Variants in WASF2 observed in about 807,000 individuals in gnomAD.
WASF2 encodes the protein WASP family member 2.
A neutral mutation model predicts 45.0 loss-of-function variants in WASF2; 14 were observed. That is an observed-to-expected ratio of 0.31 (90% confidence interval 0.21 to 0.49). The LOEUF (loss-of-function observed/expected upper bound fraction) is 0.49. WASF2 is among the 20% of genes least tolerant of loss of function. WASF2 has a pLI of 0.99. For synonymous variants in WASF2, 200 were observed against 236.3 expected, an observed-to-expected ratio of 0.85 and a Z score of 1.41; for missense variants, 439 against 636.1, an observed-to-expected ratio of 0.69 and a Z score of 3.33.
chr1:27,446,522 A>G (rs1336546784), intron 1 of WASF2, among the ~76,000 whole-genome samples: 1 of 152,134 alleles, frequency 6.6e-6, no homozygotes, highest in Non-Finnish European at 1.5e-5. Context: ...AACGCCTATA[A>G]TCCCAACCAG....
chr1:27,487,662 A>G (rs1396638810), intron 1 of WASF2, among the ~76,000 whole-genome samples: 1 of 105,526 alleles, frequency 9.5e-6, no homozygotes, highest in African/African-American at 3.8e-5. Context: ...TATATAATAT[A>G]TATTATATAT....
intron 3 of WASF2, among the ~76,000 whole-genome samples, 174 bp from the exon 4 acceptor site, chr1:27,418,596 G>A (rs1180984500): frequency 6.6e-6 from 1 of 152,176 alleles, no homozygotes; most frequent in Non-Finnish European, 1.5e-5. Flanking sequence ...CAGCAGCCCA[G>A]TCGTTTCACG....
chr1:27,465,506 GT>G (rs1389999613), intron 1 of WASF2, among the ~76,000 whole-genome samples: 2 of 152,046 alleles, frequency 1.3e-5, no homozygotes, highest in African/African-American at 2.4e-5. Context: ...CTCTCACTAG[GT>G]TTTCCCCCAA....
At chr1:27,426,149 A>G (rs985452435) in intron 2 of WASF2, among the ~76,000 whole-genome samples, 2 of 152,242 alleles carry the variant, frequency 1.3e-5, no homozygotes, top group Middle Eastern at 3.2e-3. Flanking sequence ...ACAGTGAGGA[A>G]GAGGGGAGAG....
Position 27,416,066 on chromosome 1 carries a change from G to A in WASF2, c.456C>T (p.Asp152=), listed in dbSNP as rs1450617343. Residue 152 remains aspartate, a synonymous_variant, in exon 5 of 9, where the codon GAC becomes GAT. Transcript: ENST00000618852. ...TCCAAAGATCAAAGAAGTATGAAGG[G>A]TCTGTGTAGAATTTGAGTGCCTCTT... ...DGKEALKFYT[D]PSYFFDLWKE... is the part of the protein sequence containing the mutation. 1 of 1,614,108 alleles carries A rather than the reference G, an allele frequency of 6.2e-7. No homozygotes were observed. The highest frequency in any genetic ancestry group is 1.1e-5 in the South Asian group (1 of 91,084).
intron 1 of WASF2, among the ~76,000 whole-genome samples, chr1:27,489,394 GTCC>G (rs1393311613): frequency 3.9e-5 from 2 of 50,810 alleles, no homozygotes. Context: ...CACACACAGT[GTCC>G]TCCTCAATTT....
chr1:27,418,451 T>C (rs1450793758), intron 3 of WASF2, 29 bp from the exon 4 acceptor site: 1 of 1,614,086 alleles, frequency 6.2e-7, no homozygotes, highest in Non-Finnish European at 8.5e-7. Context: ...CGTTAGAAAA[T>C]GGACGACAGG....
At chr1:27,458,305 T>C (rs2017500280) in intron 1 of WASF2, among the ~76,000 whole-genome samples, 1 of 80,674 alleles carries the variant, frequency 1.2e-5, no homozygotes, top group African/African-American at 4.4e-5. Flanking sequence ...AGAGCGAGAT[T>C]CTTAAAAAAA....
chr1:27,420,513 G>GC (rs2016891402), intron 2 of WASF2, among the ~76,000 whole-genome samples: 2 of 94,988 alleles, frequency 2.1e-5, no homozygotes, highest in South Asian at 3.3e-4. Flanking sequence ...TACCATCTGA[G>GC]CTTTTTTTTT....
At chr1:27,480,647 T>C (rs1184735361) in intron 1 of WASF2, among the ~76,000 whole-genome samples, 2 of 152,100 alleles carry the variant, frequency 1.3e-5, no homozygotes, top group East Asian at 3.8e-4. Context: ...TGAGAGTAAA[T>C]GAACTGCTCT....
intron 1 of WASF2, among the ~76,000 whole-genome samples, chr1:27,467,309 T>C (rs1318628899): frequency 1.3e-5 from 2 of 148,636 alleles, no homozygotes; most frequent in Non-Finnish European, 3.0e-5. Flanking sequence ...TTTTCGTTTG[T>C]TTGTTTTCTG....
At chr1:27,416,915 G>A (rs1270486421) in intron 4 of WASF2, among the ~76,000 whole-genome samples, 1 of 152,184 alleles carries the variant, frequency 6.6e-6, no homozygotes, top group East Asian at 1.9e-4. Flanking sequence ...GCTTAGGAGT[G>A]AACATTTATC....
chr1:27,479,120 A>G (rs566608927), intron 1 of WASF2, among the ~76,000 whole-genome samples: 2 of 152,006 alleles, frequency 1.3e-5, no homozygotes, highest in East Asian at 3.9e-4. Context: ...CCCCGTCTCT[A>G]CTAAAAATAC....
intron 2 of WASF2, among the ~76,000 whole-genome samples, chr1:27,427,751 T>C (rs1354251316): frequency 6.6e-6 from 1 of 152,200 alleles, no homozygotes; most frequent in Admixed American, 6.5e-5. Flanking sequence ...TTTCTTGATA[T>C]TCCACTGCCT....
chr1:27,486,924 T>C (rs9438577), intron 1 of WASF2, among the ~76,000 whole-genome samples: 22,143 of 148,276 alleles, frequency 0.15, 2,168 homozygotes, highest in East Asian at 0.37. Flanking sequence ...ATATAATATA[T>C]AGATTATATT....
intron 1 of WASF2, among the ~76,000 whole-genome samples, chr1:27,471,344 CAAAAA>C (rs35393807): frequency 5.6e-5 from 3 of 53,164 alleles, no homozygotes; most frequent in Non-Finnish European, 8.0e-5. Flanking sequence ...GACTCTGTCT[CAAAAA>C]AAAAAAAAAA....
chr1:27,456,696 G>A (rs907718074), intron 1 of WASF2, among the ~76,000 whole-genome samples: 2 of 150,202 alleles, frequency 1.3e-5, no homozygotes, highest in African/African-American at 2.4e-5. Context: ...AAGAAGTTAA[G>A]TAAAACTTCC....
rs1318878764 is a variant in WASF2, at chr1:27,414,933, T to A, written c.568A>T (p.Asn190Tyr). 1.2e-6 allele frequency: 2 copies of A among 1,614,208 alleles called. No individual in the cohort carries two copies. Among genetic ancestry groups the A allele is most frequent in the African/African-American group, 2.7e-5 (2 of 75,054 alleles). ...KEKKDNPNRG[N>Y]VNPRKIKTRK... is the part of the protein sequence containing the mutation. ...GTCTTGATTTTACGTGGGTTTACAT[T>A]CCCTCGATTTGGATTATCTTTCTTT... is the stretch of plus-strand genomic sequence containing the variant. Residue 190 changes from asparagine (N) to tyrosine (Y), a missense_variant, in exon 6 of 9, where the codon AAT becomes TAT. Asn to Tyr is a moderately radical substitution (Grantham distance 143). Coordinates refer to ENST00000618852, the MANE Select transcript of WASF2 (RefSeq NM_006990.5). This position sits in a 1 kb window ranked among gnomAD's most constrained non-coding sequence, Gnocchi z 4.1.
chr1:27,476,196 A>G (rs555806725), intron 1 of WASF2, among the ~76,000 whole-genome samples: 124 of 152,250 alleles, frequency 8.1e-4, no homozygotes, highest in Non-Finnish European at 1.6e-3. Flanking sequence ...TCTGATGAGA[A>G]GGTAAATGGT....
Sources: allele counts gnomAD v4.1 joint callset (sites outside exome capture counted in the v4.1 genomes callset), GRCh38; gene constraint gnomAD v4.1.1; non-coding constraint Gnocchi (gnomAD v3.1); transcripts MANE v1.5; gene names NCBI Gene and HGNC (gene_info 2026-07-23, HGNC 2026-07-21).